The following ASIC2 variants were observed in gnomAD, a reference collection of about 807,000 sequenced individuals.
ASIC2 encodes acid sensing ion channel subunit 2, also known as acid-sensing ion channel 2.
In ASIC2, 25 loss-of-function variants were observed where a neutral mutation model predicts 57.3. The ratio of observed to expected loss-of-function variants is 0.44; its 90% CI spans 0.32 to 0.61. The LOEUF is 0.61. Ranked by LOEUF, ASIC2 falls within the 20% of genes least tolerant of loss-of-function variation. The pLI is 0.06. For synonymous variants in ASIC2, 319 were observed against 307.5 expected (o/e 1.04, Z -0.39); for missense variants, 641 against 738.1 (o/e 0.87, Z 1.52).
chr17:33,175,008 T>C (rs1905689454), intron 1 of ASIC2, among the ~76,000 whole-genome samples: 1 of 152,126 alleles, frequency 6.6e-6, no homozygotes, highest in Non-Finnish European at 1.5e-5. Flanking sequence ...GGAGCTTTCT[T>C]TATCAAAATT....
At chr17:33,032,287 T>C (rs572290359) in intron 3 of ASIC2, among the ~76,000 whole-genome samples, 1 of 152,302 alleles carries the variant, frequency 6.6e-6, no homozygotes, top group Non-Finnish European at 1.5e-5. Context: ...TGTATTATTA[T>C]TCTTAGTTGT....
In ASIC2 at chr17:33,477,306, A is replaced by T. The variant is rs148901453; in HGVS notation, c.556-365239T>A. Among the ~76,000 whole-genome samples, 3 of 152,272 alleles carry T rather than the reference A, an allele frequency of 2.0e-5. No homozygotes were observed. The East Asian group carries it at 5.8e-4, about 29-fold the overall frequency. On this transcript the variant is annotated intron_variant, in intron 1 of 9. Transcript: ENST00000359872. The stretch of plus-strand genomic sequence containing the variant: ...AATCCCTATTAGAACTTCATTTTTT[A>T]AAATTTCTAGACTTCAAATTTCAGG...
chr17:33,232,445 G>GTATGC (rs1177399089), intron 1 of ASIC2, among the ~76,000 whole-genome samples: 1 of 149,798 alleles, frequency 6.7e-6, no homozygotes, highest in African/African-American at 2.5e-5. Flanking sequence ...GTATGGTATG[G>GTATGC]AATGGTATGG....
In ASIC2 at chr17:33,244,275, C is replaced by T. The variant is rs1908613244; in HGVS notation, c.708+47133G>A. 2.0e-5 allele frequency among the ~76,000 whole-genome samples: 3 copies of T among 152,248 alleles called. No individual in the cohort carries two copies. The South Asian group carries it at 6.2e-4, about 32-fold the overall frequency. On this transcript the variant is annotated intron_variant, in intron 1 of 9. Transcript: ENST00000225823. ...TTGGAGACAACTGTGTATTTGCCTG[C>T]TATTTACATTGGAAAGGCAGGTTAG...
intron 1 of ASIC2, among the ~76,000 whole-genome samples, chr17:33,200,410 A>G (rs1161079149): frequency 5.9e-5 from 9 of 152,100 alleles, no homozygotes; most frequent in Admixed American, 4.6e-4. Flanking sequence ...CTCTCTACAC[A>G]CAGACACCCA....
At chr17:33,765,435 T>C (rs1481829647) in intron 1 of ASIC2, among the ~76,000 whole-genome samples, 1 of 152,158 alleles carries the variant, frequency 6.6e-6, no homozygotes, top group Non-Finnish European at 1.5e-5. Context: ...AATAACTTTC[T>C]TTTCCCCTCT....
At chr17:33,517,054 T>C (rs181892689) in intron 1 of ASIC2, among the ~76,000 whole-genome samples, 17 of 152,354 alleles carry the variant, frequency 1.1e-4, no homozygotes, top group African/African-American at 3.8e-4. Flanking sequence ...TGTTGTTTCT[T>C]TGCTTTGGGA....
At chr17:34,101,699 TA>T (rs563787738) in intron 1 of ASIC2, among the ~76,000 whole-genome samples, 46 of 152,364 alleles carry the variant, frequency 3.0e-4, no homozygotes, top group African/African-American at 1.1e-3. Flanking sequence ...AGTGTATGCC[TA>T]TAAACAATAT....
At chr17:33,678,008 G>A (rs1907880279) in intron 1 of ASIC2, among the ~76,000 whole-genome samples, 1 of 152,144 alleles carries the variant, frequency 6.6e-6, no homozygotes, top group South Asian at 2.1e-4. Context: ...TAAAGGAAGG[G>A]TCAGTCTACA....
At chr17:33,875,426 G>A (rs1469711916) in intron 1 of ASIC2, among the ~76,000 whole-genome samples, 1 of 152,060 alleles carries the variant, frequency 6.6e-6, no homozygotes, top group Admixed American at 6.5e-5. Flanking sequence ...TGGCAAAAGT[G>A]GCTCAAAGTG....
At chr17:33,309,317 G>T (rs1177699595) in intron 1 of ASIC2, among the ~76,000 whole-genome samples, 2 of 152,098 alleles carry the variant, frequency 1.3e-5, no homozygotes, top group African/African-American at 4.8e-5. Context: ...GAAAAAGGAG[G>T]ATTCTTTTAA....
At chr17:33,723,424 G>A (rs980235290) in intron 1 of ASIC2, among the ~76,000 whole-genome samples, 1 of 152,144 alleles carries the variant, frequency 6.6e-6, no homozygotes, top group African/African-American at 2.4e-5. Context: ...CTCTTCCCAG[G>A]TTCAAGAGAT....
intron 1 of ASIC2, among the ~76,000 whole-genome samples, chr17:33,517,969 C>T (rs964082397): frequency 2.0e-5 from 3 of 152,284 alleles, no homozygotes; most frequent in Admixed American, 6.5e-5. Flanking sequence ...GTGTAACGAC[C>T]GCAGGCTGCA....
At chr17:33,587,950 C>T (rs1904694090) in intron 1 of ASIC2, among the ~76,000 whole-genome samples, 1 of 152,212 alleles carries the variant, frequency 6.6e-6, no homozygotes, top group African/African-American at 2.4e-5. Context: ...GACTTCATAA[C>T]AGTCTCACTT....
chr17:33,698,631 GA>G (rs1908602652), intron 1 of ASIC2, among the ~76,000 whole-genome samples: 2 of 152,150 alleles, frequency 1.3e-5, no homozygotes, highest in South Asian at 4.1e-4. Context: ...AAATTGGGGT[GA>G]ATAAGTACTT....
intron 1 of ASIC2, among the ~76,000 whole-genome samples, chr17:33,766,509 C>G (rs1910940702): frequency 6.6e-6 from 1 of 152,210 alleles, no homozygotes; most frequent in African/African-American, 2.4e-5. Context: ...GCACTCTTCT[C>G]CCTCAGACTT....
At chr17:33,978,725 T>C (rs1321491874) in intron 1 of ASIC2, among the ~76,000 whole-genome samples, 5 of 152,180 alleles carry the variant, frequency 3.3e-5, no homozygotes, top group African/African-American at 9.7e-5. Context: ...CTAGGCCTAC[T>C]GTCTGCAGAT....
At chr17:33,392,189 TCC>T (rs1285146365) in intron 1 of ASIC2, among the ~76,000 whole-genome samples, 7 of 6,006 alleles carry the variant, frequency 1.2e-3, no homozygotes, top group African/African-American at 4.0e-3. Context: ...CTTCCTTCCT[TCC>T]TTCCCTCCTT....
intron 1 of ASIC2, among the ~76,000 whole-genome samples, chr17:33,351,872 G>T (rs577212902): frequency 6.6e-6 from 1 of 152,076 alleles, no homozygotes; most frequent in Non-Finnish European, 1.5e-5. Flanking sequence ...GATGAGGATG[G>T]GGGAGTCGGA....
Sources: gnomAD v4.1 joint callset for allele counts (sites outside exome capture counted in the v4.1 genomes callset) on GRCh38, gnomAD v4.1.1 for gene constraint, MANE v1.5 for transcripts, NCBI Gene and HGNC (gene_info 2026-07-23, HGNC 2026-07-21) for gene names.